Variants in TMEM135 observed in about 807,000 individuals in gnomAD.
TMEM135 encodes peroxisomal membrane protein 52.
A neutral mutation model predicts 60.3 loss-of-function variants in TMEM135; 30 were observed. The ratio of observed to expected loss-of-function variants is 0.50; its 90% CI spans 0.37 to 0.68. The LOEUF (loss-of-function observed/expected upper bound fraction) is 0.68, where lower values mean the gene tolerates loss of function less well. Among genes scored for constraint, TMEM135 ranks in the 30% least tolerant of loss-of-function variants. The pLI is 0.00. For synonymous variants in TMEM135, 190 were observed against 186.7 expected (o/e 1.02, Z -0.14); for missense variants, 468 against 548.8 (o/e 0.85, Z 1.47).
chr11:87,180,736 G>A (rs1207594721), intron 5 of TMEM135, among the ~76,000 whole-genome samples: 1 of 152,168 alleles, frequency 6.6e-6, no homozygotes, highest in African/African-American at 2.4e-5. Flanking sequence ...AGCCCACCAG[G>A]TAGGTTGGGA....
intron 6 of TMEM135, among the ~76,000 whole-genome samples, chr11:87,246,636 G>T (rs547821300): frequency 1.3e-5 from 2 of 150,228 alleles, no homozygotes; most frequent in Admixed American, 6.6e-5. Context: ...TTTTCCAGTT[G>T]ATTGTGTCGG....
chr11:87,059,189 G>A (rs564404438), intron 1 of TMEM135, among the ~76,000 whole-genome samples: 7 of 151,622 alleles, frequency 4.6e-5, no homozygotes, highest in African/African-American at 7.3e-5. Flanking sequence ...CACCTGCCTC[G>A]GCCTCCCAAA....
chr11:87,095,042 T>C (rs566129356), intron 4 of TMEM135: 72 of 189,932 alleles, frequency 3.8e-4, no homozygotes, highest in Non-Finnish European at 2.7e-4. Context: ...TGGGTTTCCA[T>C]CAGTTAGCCT....
intron 6 of TMEM135, among the ~76,000 whole-genome samples, chr11:87,276,301 G>A (rs999741465): frequency 6.6e-6 from 1 of 152,022 alleles, no homozygotes; most frequent in African/African-American, 2.4e-5. Context: ...TATATAGTAA[G>A]TAATAGTATC....
Position 87,314,549 on chromosome 11 carries a change from T to G in TMEM135, c.1077+2T>G. The G allele has an allele frequency of 6.2e-7, 1 of 1,610,120 alleles. No homozygotes were observed. Among genetic ancestry groups the G allele is most frequent in the Non-Finnish European group, 8.5e-7 (1 of 1,177,274 alleles). The stretch of plus-strand genomic sequence containing the variant: ...TATTTAGCGTCCAAATTGGTAGAGG[T>G]AAGCGAAATTTTTGTGCAAGAATAG... On this transcript the variant is annotated splice_donor_variant, in intron 12 of 14. Coordinates refer to ENST00000305494, the MANE Select transcript of TMEM135 (RefSeq NM_022918.4). LOFTEE classifies it high-confidence loss of function.
At chr11:87,320,049 C>A (rs1942795368) in intron 14 of TMEM135, among the ~76,000 whole-genome samples, 1 of 152,074 alleles carries the variant, frequency 6.6e-6, no homozygotes, top group African/African-American at 2.4e-5. Context: ...GGGTAAATTG[C>A]ATGTATGAAT....
At chr11:87,119,772 A>G (rs947573098) in intron 4 of TMEM135, among the ~76,000 whole-genome samples, 3 of 152,246 alleles carry the variant, frequency 2.0e-5, no homozygotes, top group African/African-American at 7.2e-5. Flanking sequence ...GAAAGTTTGA[A>G]ATGTTAGGAG....
At chr11:87,063,984 G>A (rs10898590) in intron 1 of TMEM135, among the ~76,000 whole-genome samples, 12,933 of 152,140 alleles carry the variant, frequency 0.085, 607 homozygotes, top group East Asian at 0.17. Flanking sequence ...CTGAGTTATG[G>A]GGTAGACATT....
intron 5 of TMEM135, among the ~76,000 whole-genome samples, chr11:87,167,020 TTA>T (rs1191371361): frequency 8.5e-5 from 13 of 152,188 alleles, no homozygotes; most frequent in African/African-American, 1.4e-4. Flanking sequence ...GAGGTCCTTC[TTA>T]TCCCTTGTAA....
At chr11:87,307,721 T>G (rs543296760) in intron 9 of TMEM135, among the ~76,000 whole-genome samples, 2 of 152,352 alleles carry the variant, frequency 1.3e-5, no homozygotes, top group African/African-American at 4.8e-5. Flanking sequence ...GGTGAGGAAT[T>G]TAAACCATAA....
chr11:87,237,506 G>A lies in TMEM135; in HGVS notation c.509+822G>A, dbSNP rs560257657. Among the ~76,000 whole-genome samples the A allele has an allele frequency of 1.3e-4, 20 of 151,922 alleles. No individual in the cohort carries two copies. The South Asian group carries it at 4.2e-3, about 32-fold the overall frequency. On this transcript the variant is annotated intron_variant, in intron 6 of 14. Transcript: ENST00000305494. ...AAAGACAGTTGCGGATTTTTAGTAG[G>A]ATATATTTGGTAGATATATTTCTTT...
intron 5 of TMEM135, among the ~76,000 whole-genome samples, chr11:87,162,276 G>A (rs868040172): frequency 6.6e-6 from 1 of 151,806 alleles, no homozygotes; most frequent in East Asian, 1.9e-4. Context: ...GAACGTGCAG[G>A]TTTGTTGCAT....
chr11:87,324,448 G>T lies in TMEM135; in HGVS notation c.*3115G>T, dbSNP rs1471098459. The stretch of plus-strand genomic sequence containing the variant: ...TTATTTTTTTATTTTTTGAGTTGAG[G>T]TCTAGCTCTGTTGCCCGGGTTGGAG... On this transcript the variant is annotated 3_prime_UTR_variant, in exon 15 of 15. Transcript: ENST00000305494. 1 of 453,604 alleles carries T rather than the reference G, an allele frequency of 2.2e-6. No individual in the cohort carries two copies. Among genetic ancestry groups the T allele is most frequent in the Admixed American group, 2.4e-5 (1 of 42,494 alleles). The allele number at this position is 453,604 out of a possible 1,614,324, so 28.1% of individuals were successfully genotyped here.
intron 4 of TMEM135, among the ~76,000 whole-genome samples, chr11:87,155,032 C>G (rs1184601145): frequency 1.3e-5 from 1 of 78,788 alleles, no homozygotes; most frequent in African/African-American, 5.0e-5. Flanking sequence ...GAGTTTCACT[C>G]TTGTTGCCCA....
intron 6 of TMEM135, among the ~76,000 whole-genome samples, chr11:87,291,616 C>T (rs1458407750): frequency 7.1e-6 from 1 of 140,624 alleles, no homozygotes; most frequent in Non-Finnish European, 1.5e-5. Flanking sequence ...ATTGCCAACT[C>T]TGCCTCCTGC....
chr11:87,322,937 A>G lies in TMEM135; in HGVS notation c.*1604A>G, dbSNP rs1352027087. 2.2e-6 allele frequency: 1 copy of G among 454,394 alleles called. No individual in the cohort carries two copies. Among genetic ancestry groups the G allele is most frequent in the East Asian group, 6.9e-5 (1 of 14,390 alleles). 28.1% of individuals were successfully genotyped at this position (454,394 alleles called of 1,614,324 possible). On this transcript the variant is annotated 3_prime_UTR_variant, in exon 15 of 15. Coordinates refer to ENST00000305494, the MANE Select transcript of TMEM135 (RefSeq NM_022918.4). Reference sequence around the variant, plus strand: ...TTCAGACTTCAAAGTTGATTAATAAATTTAATCTTAACTTTTTATTCACTG... The same window carrying G: ...TTCAGACTTCAAAGTTGATTAATAAGTTTAATCTTAACTTTTTATTCACTG...
At chr11:87,147,205 C>T (rs928712794) in intron 4 of TMEM135, among the ~76,000 whole-genome samples, 7 of 152,040 alleles carry the variant, frequency 4.6e-5, no homozygotes, top group Admixed American at 3.3e-4. Flanking sequence ...TGCCTGTAGT[C>T]CCAGCTACTC....
chr11:87,099,682 G>GTTTTTTTTTTT lies in TMEM135; in HGVS notation c.396+8297_396+8307dup, dbSNP rs57019125. Among the ~76,000 whole-genome samples, 366 of 109,308 alleles carry GTTTTTTTTTTT rather than the reference G, an allele frequency of 3.3e-3. 16 individuals carry two copies. The highest frequency in any genetic ancestry group is 4.5e-3 in the Non-Finnish European group (242 of 54,042). 71.7% of individuals were successfully genotyped at this position (109,308 alleles called of 152,430 possible). On this transcript the variant is annotated intron_variant, in intron 4 of 14. Transcript: ENST00000305494. ...TATTGTGGTTACATGTTTCATGGTG[G>GTTTTTTTTTTT]TTTTTTTTTTTTTTTTTTTTGAGGC...
chr11:87,106,367 G>A (rs1257544354), intron 4 of TMEM135, among the ~76,000 whole-genome samples: 1 of 152,166 alleles, frequency 6.6e-6, no homozygotes, highest in Admixed American at 6.5e-5. Context: ...GCCTCTCAAA[G>A]TGTTGGGATT....
Sources: allele counts gnomAD v4.1 joint callset (sites outside exome capture counted in the v4.1 genomes callset), GRCh38; gene constraint gnomAD v4.1.1; transcripts MANE v1.5; gene names NCBI Gene and HGNC (gene_info 2026-07-23, HGNC 2026-07-21).